Variants in ACBD6 observed in about 807,000 individuals in gnomAD.
The protein encoded by ACBD6 is acyl-CoA-binding domain-containing protein 6.
Under a neutral mutation model 37.2 loss-of-function variants are expected in ACBD6, and 28 were observed. That is an observed-to-expected ratio of 0.75 (90% confidence interval 0.56 to 1.03). The LOEUF (loss-of-function observed/expected upper bound fraction) is 1.03, where lower values mean the gene tolerates loss of function less well. Ranked by LOEUF, ACBD6 falls within the 50% of genes least tolerant of loss-of-function variation. ACBD6 has a pLI of 0.00. For synonymous variants in ACBD6, 113 were observed against 126.8 expected, an observed-to-expected ratio of 0.89 and a Z score of 0.73; for missense variants, 340 against 337.4, an observed-to-expected ratio of 1.01 and a Z score of -0.06.
chr1:180,421,726 C>T (rs1557862913), intron 4 of ACBD6, among the ~76,000 whole-genome samples: 2 of 152,048 alleles, frequency 1.3e-5, no homozygotes, highest in African/African-American at 2.4e-5. Flanking sequence ...CATGAGAAGG[C>T]ATCTCATTAT....
At chr1:180,344,835 C>A (rs904833084) in intron 6 of ACBD6, among the ~76,000 whole-genome samples, 5 of 152,080 alleles carry the variant, frequency 3.3e-5, no homozygotes, top group African/African-American at 9.7e-5. Context: ...ACAGATAATA[C>A]AAATAAAAAG....
At chr1:180,321,102 G>A (rs2794976) in intron 6 of ACBD6, among the ~76,000 whole-genome samples, 7,767 of 152,088 alleles carry the variant, frequency 0.051, 246 homozygotes, top group South Asian at 0.059. Context: ...GTTCACTATA[G>A]GTGTATAGAT....
chr1:180,317,219 A>T (rs562473749), intron 6 of ACBD6, among the ~76,000 whole-genome samples: 1 of 152,230 alleles, frequency 6.6e-6, no homozygotes, highest in Non-Finnish European at 1.5e-5. Flanking sequence ...AATTTTAAAA[A>T]AGAGAGTGTG....
At chr1:180,289,835 C>T (rs1442682434) in intron 7 of ACBD6, among the ~76,000 whole-genome samples, 1 of 152,114 alleles carries the variant, frequency 6.6e-6, no homozygotes, top group Non-Finnish European at 1.5e-5. Flanking sequence ...GATATCATTT[C>T]ATTTAAACAA....
intron 6 of ACBD6, among the ~76,000 whole-genome samples, chr1:180,380,968 G>A (rs1448144742): frequency 2.0e-5 from 3 of 152,026 alleles, no homozygotes; most frequent in African/African-American, 7.2e-5. Flanking sequence ...TACTGCCTAC[G>A]AGAAACTCAT....
intron 3 of ACBD6, among the ~76,000 whole-genome samples, chr1:180,467,339 T>C (rs894371079): frequency 6.7e-6 from 1 of 149,366 alleles, no homozygotes; most frequent in African/African-American, 2.5e-5. Context: ...AGGCCAGGCA[T>C]GGTAGCTCAT....
chr1:180,280,230 T>C (rs931989141), intron 9 of ACBD6, among the ~76,000 whole-genome samples: 1 of 152,184 alleles, frequency 6.6e-6, no homozygotes, highest in African/African-American at 2.4e-5. Flanking sequence ...TTAGTTATCC[T>C]GGAATACTTG....
chr1:180,434,985 G>T lies in ACBD6; in HGVS notation c.385-4723C>A, dbSNP rs1648964025. The T allele has an allele frequency of 3.2e-6, 3 of 931,372 alleles. No individual in the cohort carries two copies. In the East Asian group the frequency reaches 7.1e-5, roughly 22 times the overall value. The allele number at this position is 931,372 out of a possible 1,614,324, so 57.7% of individuals were successfully genotyped here. On this transcript the variant is annotated intron_variant, in intron 3 of 7. Coordinates refer to ENST00000367595, the MANE Select transcript of ACBD6 (RefSeq NM_032360.4). ...TCTGTAAACCAAGTACAGATGGACT[G>T]AGTACGGCCTGACGTTTACAGAGAA... is the stretch of plus-strand genomic sequence containing the variant.
chr1:180,322,195 A>C (rs770408071), intron 6 of ACBD6, among the ~76,000 whole-genome samples: 3 of 152,134 alleles, frequency 2.0e-5, no homozygotes, highest in African/African-American at 4.8e-5. Context: ...CCATCCTTGC[A>C]TCCCTGTAAT....
downstream of ACBD6, among the ~76,000 whole-genome samples, chr1:180,288,033 T>C (rs1292122181): frequency 6.6e-6 from 1 of 152,228 alleles, no homozygotes; most frequent in East Asian, 1.9e-4. Flanking sequence ...TGCTTCTGTA[T>C]GTTTTTTAAA....
intron 6 of ACBD6, among the ~76,000 whole-genome samples, chr1:180,357,089 T>C (rs1276134407): frequency 6.6e-6 from 1 of 152,240 alleles, no homozygotes; most frequent in East Asian, 1.9e-4. Context: ...AGATTTTTAA[T>C]GACACTACTG....
intron 8 of ACBD6, among the ~76,000 whole-genome samples, chr1:180,282,246 T>A (rs1649335043): frequency 6.6e-6 from 1 of 152,192 alleles, no homozygotes; most frequent in African/African-American, 2.4e-5. Flanking sequence ...TAATGATTTA[T>A]CTTTCTCTTG....
intron 7 of ACBD6, among the ~76,000 whole-genome samples, chr1:180,303,970 G>A (rs980872853): frequency 7.3e-5 from 11 of 150,828 alleles, no homozygotes; most frequent in African/African-American, 2.4e-4. Context: ...ATCAATAAAC[G>A]TAATCCAGCA....
At chr1:180,481,826 C>T (rs1651052675) in intron 3 of ACBD6, among the ~76,000 whole-genome samples, 1 of 152,100 alleles carries the variant, frequency 6.6e-6, no homozygotes, top group Non-Finnish European at 1.5e-5. Context: ...ATCTAGGTAT[C>T]CTCTATGGTA....
At chr1:180,293,672 GA>G (rs1373524444) in intron 7 of ACBD6, among the ~76,000 whole-genome samples, 1 of 152,172 alleles carries the variant, frequency 6.6e-6, no homozygotes, top group East Asian at 1.9e-4. Context: ...AATCTTGTGG[GA>G]AAGTTTCTAG....
chr1:180,466,066 G>A (rs919435290), intron 3 of ACBD6, among the ~76,000 whole-genome samples: 2 of 152,090 alleles, frequency 1.3e-5, no homozygotes, highest in African/African-American at 4.8e-5. Context: ...CCTGAGTGAT[G>A]TAATAATATG....
chr1:180,319,876 G>A (rs1046061413), intron 6 of ACBD6, among the ~76,000 whole-genome samples: 2 of 152,128 alleles, frequency 1.3e-5, no homozygotes, highest in African/African-American at 2.4e-5. Context: ...TTGTATATAA[G>A]TACCATATTT....
At chr1:180,360,016 A>T (rs1354392552) in intron 6 of ACBD6, among the ~76,000 whole-genome samples, 1 of 152,232 alleles carries the variant, frequency 6.6e-6, no homozygotes, top group Non-Finnish European at 1.5e-5. Context: ...TTTATTGAAT[A>T]ACAAGGTACT....
At chr1:180,318,339 T>G (rs180908275) in intron 6 of ACBD6, among the ~76,000 whole-genome samples, 45 of 152,294 alleles carry the variant, frequency 3.0e-4, no homozygotes, top group African/African-American at 1.0e-3. Flanking sequence ...CATTTTAAAT[T>G]GACTTATTTT....
Sources: gnomAD v4.1 joint callset for allele counts (sites outside exome capture counted in the v4.1 genomes callset) on GRCh38, gnomAD v4.1.1 for gene constraint, MANE v1.5 for transcripts, NCBI Gene and HGNC (gene_info 2026-07-23, HGNC 2026-07-21) for gene names.